The following CSMD1 variants were observed in gnomAD, a reference collection of about 807,000 sequenced individuals.
CSMD1 encodes the protein CUB and Sushi multiple domains 1, also known as CUB and sushi domain-containing protein 1.
A neutral mutation model predicts 417.5 loss-of-function variants in CSMD1; 213 were observed. That is an observed-to-expected ratio of 0.51 (90% CI 0.46 to 0.57). The LOEUF is 0.57. Among genes scored for constraint, CSMD1 ranks in the 20% least tolerant of loss-of-function variants. The pLI is 0.00. For missense variants in CSMD1, 6,923 were observed against 4,529.7 expected, an observed-to-expected ratio of 1.53 and a Z score of -15.17; for synonymous variants, 2,862 against 1,736.8, an observed-to-expected ratio of 1.65 and a Z score of -16.11.
chr8:4,272,779 G>A (rs548206168), intron 3 of CSMD1, among the ~76,000 whole-genome samples: 1 of 152,138 alleles, frequency 6.6e-6, no homozygotes. Context: ...AAGGAGGTTA[G>A]TATGAGATGA....
intron 20 of CSMD1, among the ~76,000 whole-genome samples, chr8:3,361,960 T>C (rs1809214356): frequency 6.6e-6 from 1 of 152,148 alleles, no homozygotes; most frequent in Non-Finnish European, 1.5e-5. Flanking sequence ...ACAAAGTATA[T>C]TTGCAAGGTG....
intron 5 of CSMD1, among the ~76,000 whole-genome samples, chr8:3,995,206 T>G (rs1157179654): frequency 6.6e-6 from 1 of 152,230 alleles, no homozygotes. Context: ...TGTTTTATGT[T>G]TTAAATGTGC....
chr8:3,114,464 T>C (rs968504337), intron 42 of CSMD1, among the ~76,000 whole-genome samples: 2 of 149,960 alleles, frequency 1.3e-5, no homozygotes, highest in Non-Finnish European at 3.0e-5. Context: ...TATATTAATA[T>C]AAAAATATCT....
intron 1 of CSMD1, among the ~76,000 whole-genome samples, chr8:4,912,912 A>C (rs553505513): frequency 6.6e-6 from 1 of 152,194 alleles, no homozygotes; most frequent in Admixed American, 6.5e-5. Context: ...CAGCTTCCCA[A>C]GTAGCTGGGA....
chr8:4,819,783 T>C (rs986912873), intron 1 of CSMD1, among the ~76,000 whole-genome samples: 1 of 151,756 alleles, frequency 6.6e-6, no homozygotes, highest in African/African-American at 2.4e-5. Flanking sequence ...GAAACAGGAG[T>C]CAATGCTAAG....
chr8:4,563,701 T>C (rs188488793), intron 2 of CSMD1, among the ~76,000 whole-genome samples: 2 of 152,302 alleles, frequency 1.3e-5, no homozygotes, highest in East Asian at 3.9e-4. Context: ...TCCTCCTTCT[T>C]TAATATGCAA....
At chr8:4,518,759 T>C (rs999061320) in intron 2 of CSMD1, among the ~76,000 whole-genome samples, 2 of 151,612 alleles carry the variant, frequency 1.3e-5, no homozygotes, top group East Asian at 1.9e-4. Flanking sequence ...AAAACTTAAA[T>C]TATAATAATA....
At chr8:4,249,754 T>A (rs1325272551) in intron 3 of CSMD1, among the ~76,000 whole-genome samples, 2 of 150,546 alleles carry the variant, frequency 1.3e-5, no homozygotes, top group African/African-American at 4.8e-5. Flanking sequence ...ACAAAGTCTA[T>A]TAATGGGGGA....
chr8:3,766,168 C>G (rs1171692432), intron 5 of CSMD1, among the ~76,000 whole-genome samples: 1 of 152,152 alleles, frequency 6.6e-6, no homozygotes, highest in Non-Finnish European at 1.5e-5. Flanking sequence ...TACTTTGGGC[C>G]TCCTGTCCAC....
intron 1 of CSMD1, among the ~76,000 whole-genome samples, chr8:4,790,592 C>G (rs978777629): frequency 6.6e-6 from 1 of 152,272 alleles, no homozygotes; most frequent in African/African-American, 2.4e-5. Context: ...TACAACCAAG[C>G]TACAGTAACT....
rs148933251 is a variant in CSMD1 at position 4,957,692 on chromosome 8, G to C, written c.85+36640C>G. Among the ~76,000 whole-genome samples the C allele has an allele frequency of 4.0e-3, 604 of 152,258 alleles. 3 individuals are homozygous for C. Among genetic ancestry groups the C allele is most frequent in the African/African-American group, 0.014 (582 of 41,552 alleles). ...AAGGATATAAAAACTCATTGCTATA[G>C]TAAGATTTTTTGTTTGTTTCTTACC... On this transcript the variant is annotated intron_variant, in intron 1 of 69. Transcript: ENST00000635120.
chr8:3,960,961 G>A (rs953020818), intron 5 of CSMD1, among the ~76,000 whole-genome samples: 1 of 151,668 alleles, frequency 6.6e-6, no homozygotes, highest in Non-Finnish European at 1.5e-5. Flanking sequence ...TCTTAATATT[G>A]TATGATTTAA....
chr8:4,584,206 G>T (rs985065504), intron 2 of CSMD1, among the ~76,000 whole-genome samples: 1 of 152,150 alleles, frequency 6.6e-6, no homozygotes, highest in South Asian at 2.1e-4. Context: ...CATTCTTGAA[G>T]CTAGTGAGAC....
At chr8:4,125,357 A>T (rs1252709481) in intron 3 of CSMD1, among the ~76,000 whole-genome samples, 1 of 152,126 alleles carries the variant, frequency 6.6e-6, no homozygotes, top group Non-Finnish European at 1.5e-5. Context: ...TCTCTCACCT[A>T]CTTGTGACCT....
intron 5 of CSMD1, among the ~76,000 whole-genome samples, chr8:3,787,041 T>G (rs1325190765): frequency 6.6e-6 from 1 of 152,174 alleles, no homozygotes; most frequent in Non-Finnish European, 1.5e-5. Flanking sequence ...CTTCTATGTG[T>G]GAAGTGTCAT....
chr8:3,591,484 A>C (rs1800842435), intron 8 of CSMD1, among the ~76,000 whole-genome samples: 1 of 152,192 alleles, frequency 6.6e-6, no homozygotes, highest in South Asian at 2.1e-4. Flanking sequence ...TTGGTATCAT[A>C]ACTATTTTTG....
At chr8:4,851,461 T>C (rs1242391495) in intron 1 of CSMD1, among the ~76,000 whole-genome samples, 1 of 151,888 alleles carries the variant, frequency 6.6e-6, no homozygotes, top group Non-Finnish European at 1.5e-5. Context: ...TCAACCTCTA[T>C]TTTTTTTCTT....
At position 2,967,503 on chromosome 8, in the gene CSMD1, C is replaced by T. The variant is rs138520144; in HGVS notation, c.8924-757G>A. ...AAGCAAGCTCGGCTGCCGCTGGGTA[C>T]GTTTCAGGGTGAACATTTCAATCTA... On this transcript the variant is annotated intron_variant, in intron 57 of 69. Coordinates refer to ENST00000635120, the MANE Select transcript of CSMD1 (RefSeq NM_033225.6). Among the ~76,000 whole-genome samples, 223 of 151,630 alleles carry T rather than the reference C, an allele frequency of 1.5e-3. 1 individual carries two copies. The highest frequency in any genetic ancestry group is 4.8e-3 in the African/African-American group (200 of 41,334).
At chr8:3,904,385 A>T (rs559168914) in intron 5 of CSMD1, among the ~76,000 whole-genome samples, 150 of 151,964 alleles carry the variant, frequency 9.9e-4, no homozygotes, top group African/African-American at 3.5e-3. Context: ...TGCAATGGAA[A>T]CCTCTTTATT....
Sources: gnomAD v4.1 joint callset for allele counts (sites outside exome capture counted in the v4.1 genomes callset) on GRCh38, gnomAD v4.1.1 for gene constraint, MANE v1.5 for transcripts, NCBI Gene and HGNC (gene_info 2026-07-23, HGNC 2026-07-21) for gene names.